Variants in EYS observed in about 807,000 individuals in gnomAD.
The protein encoded by EYS is EGF-like photoreceptor maintenance factor, also known as protein eyes shut homolog.
A neutral mutation model predicts 282.1 loss-of-function variants in EYS; 250 were observed. That is an observed-to-expected ratio of 0.89 (90% CI 0.80 to 0.98). The LOEUF is 0.98. Ranked by LOEUF, EYS falls within the 50% of genes least tolerant of loss-of-function variation. The probability of loss-of-function intolerance (pLI) is 0.00; values close to 1 mark genes in which losing one functional copy is unlikely to be tolerated. For synonymous variants in EYS, 1,355 were observed against 1,282.9 expected (o/e 1.06, Z -1.20); for missense variants, 4,016 against 3,709.0 (o/e 1.08, Z -2.15).
intron 30 of EYS, among the ~76,000 whole-genome samples, chr6:64,304,004 G>A (rs144386249): frequency 6.6e-6 from 1 of 152,140 alleles, no homozygotes; most frequent in African/African-American, 2.4e-5. Context: ...TTTGATCATC[G>A]TGGGTGAATG....
At chr6:64,598,573 A>G (rs1238053812) in intron 24 of EYS, among the ~76,000 whole-genome samples, 1 of 152,244 alleles carries the variant, frequency 6.6e-6, no homozygotes, top group Non-Finnish European at 1.5e-5. Flanking sequence ...ATGTTTGAGG[A>G]AAAATATGCA....
intron 2 of EYS, among the ~76,000 whole-genome samples, chr6:65,518,905 C>A (rs1767240350): frequency 6.6e-6 from 1 of 152,094 alleles, no homozygotes; most frequent in African/African-American, 2.4e-5. Flanking sequence ...AATTCAATTA[C>A]CTCCCACCAG....
At chr6:64,943,666 G>T (rs12662084) in intron 15 of EYS, among the ~76,000 whole-genome samples, 59,864 of 151,900 alleles carry the variant, frequency 0.39, 14,265 homozygotes, top group Non-Finnish European at 0.52. Context: ...TGAAAGATCT[G>T]TACAAGGAGA....
At position 64,671,671 on chromosome 6, in the gene EYS, T is replaced by C. The variant is rs546806915; in HGVS notation, c.3444-45426A>G. ...ATGAAAATAACAGCAAATACACATC[T>C]GACAGTTCTGTTGCAAACATTATCC... On this transcript the variant is annotated intron_variant, in intron 22 of 42. Transcript: ENST00000503581. 2.4e-4 allele frequency among the ~76,000 whole-genome samples: 36 copies of C among 152,256 alleles called. 1 individual carries two copies. The South Asian group carries it at 7.1e-3, about 30-fold the overall frequency.
intron 31 of EYS, among the ~76,000 whole-genome samples, chr6:64,121,541 G>T (rs55822528): frequency 1.3e-5 from 2 of 152,276 alleles, no homozygotes; most frequent in Non-Finnish European, 2.9e-5. Context: ...TAATGGTAAA[G>T]AAATTAAATT....
At position 64,468,773 on chromosome 6, in the gene EYS, G is replaced by A. The variant is rs1024886833; in HGVS notation, c.5645-29421C>T. Among the ~76,000 whole-genome samples, 6 of 152,140 alleles carry A rather than the reference G, an allele frequency of 3.9e-5. No individual in the cohort carries two copies. In the East Asian group the frequency reaches 5.8e-4, roughly 15 times the overall value. ...ATGTGGTATTTGGTTTTCTGTTCCCGAGTTAGTTTGCTTAGAATAATGGCT... is the reference window on the plus strand; with the variant it reads ...ATGTGGTATTTGGTTTTCTGTTCCCAAGTTAGTTTGCTTAGAATAATGGCT... On this transcript the variant is annotated intron_variant, in intron 26 of 42. Coordinates refer to ENST00000503581, the MANE Select transcript of EYS (RefSeq NM_001142800.2).
At chr6:65,557,053 AGATG>A (rs1286072278) in intron 2 of EYS, among the ~76,000 whole-genome samples, 2 of 152,334 alleles carry the variant, frequency 1.3e-5, no homozygotes, top group Middle Eastern at 3.4e-3. Context: ...AAAAATGTAC[AGATG>A]GTATAGTTAT....
At chr6:64,828,986 G>A (rs543872645) in intron 19 of EYS, among the ~76,000 whole-genome samples, 62 of 152,108 alleles carry the variant, frequency 4.1e-4, no homozygotes, top group East Asian at 1.4e-3. Flanking sequence ...CGGATGGGCA[G>A]ATCTTCAGTC....
chr6:65,096,223 A>G (rs1366881855), intron 12 of EYS, among the ~76,000 whole-genome samples: 1 of 151,012 alleles, frequency 6.6e-6, no homozygotes, highest in African/African-American at 2.4e-5. Flanking sequence ...ACAAACTAAT[A>G]ATGAAATTAA....
chr6:64,894,044 A>G (rs1767375302), intron 18 of EYS, among the ~76,000 whole-genome samples: 1 of 152,112 alleles, frequency 6.6e-6, no homozygotes, highest in East Asian at 1.9e-4. Context: ...TATGAGTTAC[A>G]TATCACATTA....
Position 64,243,387 on chromosome 6 carries a change from T to C in EYS, c.6192-12563A>G, listed in dbSNP as rs562782184. Among the ~76,000 whole-genome samples, 25 of 152,340 alleles carry C rather than the reference T, an allele frequency of 1.6e-4. 1 individual carries two copies. In the South Asian group the frequency reaches 2.5e-3, roughly 15 times the overall value. ...TTGTCCACATAAAGTTCTATCAGCA[T>C]AGACAGGAGGATTTCTGCTCTGTAT... On this transcript the variant is annotated intron_variant, in intron 30 of 42. Transcript: ENST00000503581.
intron 26 of EYS, among the ~76,000 whole-genome samples, chr6:64,497,103 T>C (rs771719830): frequency 3.3e-5 from 5 of 152,186 alleles, no homozygotes; most frequent in East Asian, 1.9e-4. Flanking sequence ...CCAGAAACCA[T>C]AGGAGATGTA....
At chr6:64,493,985 T>C (rs1490928145) in intron 26 of EYS, among the ~76,000 whole-genome samples, 3 of 151,566 alleles carry the variant, frequency 2.0e-5, no homozygotes, top group Non-Finnish European at 4.4e-5. Flanking sequence ...TGAAGGAAGG[T>C]ATTATTTCAG....
chr6:65,554,641 A>C (rs1057077794), intron 2 of EYS, among the ~76,000 whole-genome samples: 1 of 152,140 alleles, frequency 6.6e-6, no homozygotes, highest in African/African-American at 2.4e-5. Flanking sequence ...CCCCAGACAC[A>C]AGACTGAGTA....
At chr6:64,454,820 A>G (rs1034888954) in intron 26 of EYS, among the ~76,000 whole-genome samples, 29 of 152,212 alleles carry the variant, frequency 1.9e-4, no homozygotes, top group Middle Eastern at 3.4e-3. Context: ...TATCCTTGTG[A>G]TATTTTATCT....
At chr6:65,241,497 A>C (rs982947610) in intron 12 of EYS, among the ~76,000 whole-genome samples, 1 of 152,132 alleles carries the variant, frequency 6.6e-6, no homozygotes, top group East Asian at 1.9e-4. Flanking sequence ...CTTTTTTAAA[A>C]TCAAGACCCA....
chr6:65,526,978 GT>G (rs1014544244), intron 2 of EYS, among the ~76,000 whole-genome samples: 6 of 152,156 alleles, frequency 3.9e-5, no homozygotes, highest in African/African-American at 7.2e-5. Context: ...AGTGTGTGGA[GT>G]TTTGGGTAGC....
chr6:65,195,741 T>C (rs1765749611), intron 12 of EYS, among the ~76,000 whole-genome samples: 1 of 152,058 alleles, frequency 6.6e-6, no homozygotes, highest in Non-Finnish European at 1.5e-5. Flanking sequence ...CACTAAACCA[T>C]GCAAAAGCCT....
chr6:65,225,542 C>A (rs978863605), intron 12 of EYS, among the ~76,000 whole-genome samples: 1 of 151,330 alleles, frequency 6.6e-6, no homozygotes, highest in Non-Finnish European at 1.5e-5. Context: ...GGTGAAACCC[C>A]ATCTCTGCTA....
Sources: allele counts gnomAD v4.1 joint callset (sites outside exome capture counted in the v4.1 genomes callset), GRCh38; gene constraint gnomAD v4.1.1; transcripts MANE v1.5; gene names NCBI Gene and HGNC (gene_info 2026-07-23, HGNC 2026-07-21).